RHOG: variants seen among roughly 807,000 people sequenced by gnomAD.
The protein encoded by RHOG is rho-related GTP-binding protein RhoG.
Under a neutral mutation model 12.3 loss-of-function variants are expected in RHOG, and 1 was observed. The observed-to-expected ratio is 0.08, with a 90% CI of 0.03 to 0.39. The LOEUF is 0.39. RHOG is among the 10% of genes least tolerant of loss of function. RHOG has a pLI of 0.99. For missense variants in RHOG, 114 were observed against 266.2 expected (o/e 0.43, Z 3.98); for synonymous variants, 129 against 116.0 (o/e 1.11, Z -0.72).
At chr11:3,833,599 G>A (rs975932257) in intron 1 of RHOG, among the ~76,000 whole-genome samples, 1 of 152,196 alleles carries the variant, frequency 6.6e-6, no homozygotes, top group African/African-American at 2.4e-5. Flanking sequence ...GTGTGACCCT[G>A]AGCTTCTGAT....
intron 1 of RHOG, among the ~76,000 whole-genome samples, chr11:3,828,413 A>G (rs1375704539): frequency 6.6e-6 from 1 of 152,194 alleles, no homozygotes; most frequent in Non-Finnish European, 1.5e-5. Context: ...GAAAGCACAT[A>G]AACTCTGGCG....
At position 3,828,109 on chromosome 11, in the gene RHOG, A is replaced by T; in HGVS notation, c.30T>A (p.Gly10=). 1.2e-6 allele frequency: 2 copies of T among 1,613,814 alleles called. No homozygotes were observed. The highest frequency in any genetic ancestry group is 1.7e-6 in the Non-Finnish European group (2 of 1,179,712). The change falls in exon 2 of 2, where the codon GGT becomes GGA. Residue 10 remains glycine (G), a synonymous_variant. Coordinates refer to ENST00000351018, the MANE Select transcript of RHOG (RefSeq NM_001665.4). MQSIKCVVV[G]DGAVGKTCLL... is the part of the protein sequence containing the mutation. ...GGCACGTCTTGCCCACAGCCCCATC[A>T]CCCACCACCACGCACTTGATGCTCT...
chr11:3,827,350 CCA>C lies in RHOG; in HGVS notation c.*211_*212del. On this transcript the variant is annotated 3_prime_UTR_variant, in exon 2 of 2. Coordinates refer to ENST00000351018, the MANE Select transcript of RHOG (RefSeq NM_001665.4). This position sits in a 1 kb window ranked among gnomAD's most constrained non-coding sequence, Gnocchi z 7.3. ...GGCTTGGATGAGCTCATGAGAATAC[CCA>C]GTGTTCCCAAGCAGAGGGGGGCAGA... 1.7e-6 allele frequency: 1 copy of C among 585,574 alleles called. No homozygotes were observed. Among genetic ancestry groups the C allele is most frequent in the South Asian group, 2.1e-5 (1 of 47,300 alleles). The allele number at this position is 585,574 out of a possible 1,614,324, so 36.3% of individuals were successfully genotyped here.
chr11:3,828,792 T>C (rs997375696), intron 1 of RHOG, among the ~76,000 whole-genome samples: 1 of 151,724 alleles, frequency 6.6e-6, no homozygotes, highest in Non-Finnish European at 1.5e-5. Flanking sequence ...GGCTAATTTT[T>C]TGTATTTTTA....
intron 1 of RHOG, among the ~76,000 whole-genome samples, chr11:3,831,582 T>C (rs2090129214): frequency 6.6e-6 from 1 of 152,152 alleles, no homozygotes; most frequent in Non-Finnish European, 1.5e-5. Context: ...TAACCCCAGC[T>C]CTGCTGACTC....
chr11:3,836,902 C>CAAAAAA lies in RHOG; in HGVS notation c.-69+3986_-69+3991dup, dbSNP rs57344316. Among the ~76,000 whole-genome samples, 21 of 29,254 alleles carry CAAAAAA rather than the reference C, an allele frequency of 7.2e-4. 2 individuals are homozygous for CAAAAAA. The highest frequency in any genetic ancestry group is 2.9e-3 in the African/African-American group (15 of 5,228). 19.2% of individuals were successfully genotyped at this position (29,254 alleles called of 152,430 possible). A position where few individuals can be genotyped will look rare whatever the true frequency, so the allele number is the denominator to read the frequency against. ...TGGGTGACAGAGCAAGACTCCATCT[C>CAAAAAA]AAAAAAAAAAAAAAAAAAAAAAAAA... On this transcript the variant is annotated intron_variant, in intron 1 of 1. Coordinates refer to ENST00000351018, the MANE Select transcript of RHOG (RefSeq NM_001665.4).
At chr11:3,839,837 G>A (rs1439264395) in intron 1 of RHOG, among the ~76,000 whole-genome samples, 1 of 152,172 alleles carries the variant, frequency 6.6e-6, no homozygotes, top group East Asian at 1.9e-4. Flanking sequence ...AAACCAGGAG[G>A]TGCATGTGTG....
intron 1 of RHOG, among the ~76,000 whole-genome samples, chr11:3,834,016 G>A (rs1201605212): frequency 3.9e-5 from 6 of 152,130 alleles, no homozygotes; most frequent in African/African-American, 7.2e-5. Flanking sequence ...TCCACCTCCC[G>A]GGTTCAAGTG....
chr11:3,837,222 G>C (rs1023039467), intron 1 of RHOG, among the ~76,000 whole-genome samples: 3 of 152,168 alleles, frequency 2.0e-5, no homozygotes, highest in African/African-American at 4.8e-5. Context: ...CGAGGCCTGA[G>C]GGGGTTTCCA....
At chr11:3,839,897 A>G (rs764246050) in intron 1 of RHOG, among the ~76,000 whole-genome samples, 6 of 152,140 alleles carry the variant, frequency 3.9e-5, no homozygotes, top group Non-Finnish European at 5.9e-5. Context: ...GCAGAGGACC[A>G]AGACGAACAT....
At chr11:3,833,039 G>A (rs540046194) in intron 1 of RHOG, among the ~76,000 whole-genome samples, 41 of 151,702 alleles carry the variant, frequency 2.7e-4, no homozygotes, top group African/African-American at 8.5e-4. Flanking sequence ...GAGCAACACA[G>A]CAAGACCCCA....
chr11:3,840,342 A>C (rs1315746091), intron 1 of RHOG, among the ~76,000 whole-genome samples: 1 of 152,022 alleles, frequency 6.6e-6, no homozygotes. Flanking sequence ...CCCCCACCCA[A>C]CCCGGGTCCT....
intron 1 of RHOG, among the ~76,000 whole-genome samples, chr11:3,835,924 G>A (rs143085939): frequency 0.011 from 1,710 of 152,220 alleles, 27 homozygotes; most frequent in African/African-American, 0.037. Flanking sequence ...CTGCAGCTGG[G>A]CTGGGAGGAG....
Position 3,828,058 on chromosome 11 carries a change from A to G in RHOG, c.81T>C (p.Ala27=), listed in dbSNP as rs1444260567. ...TCLLICYTTN[A]FPKEYIPTVF... is the part of the protein sequence containing the mutation. ...CGGTGGGGATGTACTCTTTGGGGAA[A>G]GCGTTAGTTGTGTAGCAGATGAGCA... is the stretch of plus-strand genomic sequence containing the variant. The change falls in exon 2 of 2, where the codon GCT becomes GCC. Residue 27 remains alanine (A), a synonymous_variant. Transcript: ENST00000351018. 2.5e-6 allele frequency: 4 copies of G among 1,614,230 alleles called. No homozygotes were observed. Among genetic ancestry groups the G allele is most frequent in the Non-Finnish European group, 1.7e-6 (2 of 1,180,044 alleles).
At chr11:3,828,780 C>T (rs1296682657) in intron 1 of RHOG, among the ~76,000 whole-genome samples, 2 of 151,720 alleles carry the variant, frequency 1.3e-5, no homozygotes, top group Non-Finnish European at 2.9e-5. Flanking sequence ...ACCACCACGC[C>T]CGGCTAATTT....
chr11:3,839,436 A>C (rs563702176), intron 1 of RHOG, among the ~76,000 whole-genome samples: 39 of 151,584 alleles, frequency 2.6e-4, no homozygotes, highest in African/African-American at 9.4e-4. Flanking sequence ...GAGGGCAGTT[A>C]TTTTGTCTGT....
chr11:3,827,722 C>T lies in RHOG; in HGVS notation c.417G>A (p.Pro139=), dbSNP rs140581232. 178 of 1,613,928 alleles carry T rather than the reference C, an allele frequency of 1.1e-4. No homozygotes were observed. Among genetic ancestry groups the T allele is most frequent in the Non-Finnish European group, 1.5e-4 (173 of 1,180,022 alleles). ...LKEQGQAPIT[P]QQGQALAKQI... ...GCTTGGCCAGTGCCTGGCCCTGCTG[C>T]GGTGTGATGGGCGCCTGGCCCTGCT... Residue 139 remains proline, a synonymous_variant, in exon 2 of 2, where the codon CCG becomes CCA. Transcript: ENST00000351018. The surrounding 1 kb of genome is among the most constrained non-coding windows in gnomAD (Gnocchi z 7.3).
At chr11:3,839,901 C>A (rs934534689) in intron 1 of RHOG, among the ~76,000 whole-genome samples, 2 of 151,878 alleles carry the variant, frequency 1.3e-5, no homozygotes, top group South Asian at 4.1e-4. Flanking sequence ...AGGACCAAGA[C>A]GAACATGGGG....
At chr11:3,831,351 T>C (rs1172554737) in intron 1 of RHOG, among the ~76,000 whole-genome samples, 4 of 152,168 alleles carry the variant, frequency 2.6e-5, no homozygotes, top group Non-Finnish European at 4.4e-5. Context: ...TTTCACTCTA[T>C]GAAGTTGTGT....
Sources: gnomAD v4.1 joint callset for allele counts (sites outside exome capture counted in the v4.1 genomes callset) on GRCh38, gnomAD v4.1.1 for gene constraint, Gnocchi (gnomAD v3.1) non-coding constraint, MANE v1.5 for transcripts, NCBI Gene and HGNC (gene_info 2026-07-23, HGNC 2026-07-21) for gene names.